The following RUFY3 variants were observed in gnomAD, a reference collection of about 807,000 sequenced individuals.
RUFY3 encodes the protein protein RUFY3.
RUFY3 carries 34 observed loss-of-function variants against 84.0 expected under a neutral mutation model. The ratio of observed to expected loss-of-function variants is 0.40; its 90% CI spans 0.31 to 0.54. The LOEUF (loss-of-function observed/expected upper bound fraction) is 0.54, where lower values mean the gene tolerates loss of function less well. Ranked by LOEUF, RUFY3 falls within the 20% of genes least tolerant of loss-of-function variation. The probability of loss-of-function intolerance (pLI) is 0.39; values close to 1 mark genes in which losing one functional copy is unlikely to be tolerated. For synonymous variants in RUFY3, 242 were observed against 252.9 expected (o/e 0.96, Z 0.41); for missense variants, 507 against 736.8 (o/e 0.69, Z 3.61).
At chr4:70,758,120 A>T (rs1724350398) in intron 1 of RUFY3, among the ~76,000 whole-genome samples, 1 of 152,234 alleles carries the variant, frequency 6.6e-6, no homozygotes. Flanking sequence ...CACACACAAC[A>T]TGCTTGCATA....
Position 70,797,915 on chromosome 4 carries a change from A to G in RUFY3, c.1558-2226A>G, listed in dbSNP as rs540439881. Among the ~76,000 whole-genome samples, 17 of 152,342 alleles carry G rather than the reference A, an allele frequency of 1.1e-4. No homozygotes were observed. In the South Asian group the frequency reaches 3.5e-3, roughly 32 times the overall value. On this transcript the variant is annotated intron_variant, in intron 14 of 17. Coordinates refer to ENST00000381006, the MANE Select transcript of RUFY3 (RefSeq NM_001037442.4). Reference sequence around the variant, plus strand: ...TCTTTATTATTTTAGTTTAGTGAACATAAAATCTAAAAGGCTTACAAAAGT... The same window carrying G: ...TCTTTATTATTTTAGTTTAGTGAACGTAAAATCTAAAAGGCTTACAAAAGT...
chr4:70,717,630 T>C (rs1741769797), upstream of RUFY3, among the ~76,000 whole-genome samples: 2 of 152,102 alleles, frequency 1.3e-5, no homozygotes, highest in African/African-American at 2.4e-5. Context: ...CTTTTTATTT[T>C]CTCTGAATAA....
At chr4:70,713,374 G>A (rs1741212325) in intron 1 of RUFY3, among the ~76,000 whole-genome samples, 1 of 152,198 alleles carries the variant, frequency 6.6e-6, no homozygotes, top group African/African-American at 2.4e-5. Context: ...GAGAAGGTAA[G>A]TAGCAATATG....
At chr4:70,772,714 G>A (rs1727171917) in intron 5 of RUFY3, among the ~76,000 whole-genome samples, 1 of 151,630 alleles carries the variant, frequency 6.6e-6, no homozygotes, top group African/African-American at 2.4e-5. Flanking sequence ...AGGCTGGAGT[G>A]CAATGGTGAG....
At chr4:70,773,593 A>ATTTCTTTTCTCCTGATGTAGCATTT in intron 6 of RUFY3, 21 bp downstream of exon 6, 1 of 1,554,968 alleles carries the variant, frequency 6.4e-7, no homozygotes, top group Non-Finnish European at 8.9e-7. Context: ...AGAAAATTAG[A>ATTTCTTTTCTCCTGATGTAGCATTT]TTTCTTTTCT....
chr4:70,738,029 C>G (rs1343154784), intron 1 of RUFY3, among the ~76,000 whole-genome samples: 1 of 141,262 alleles, frequency 7.1e-6, no homozygotes, highest in Non-Finnish European at 1.5e-5. Context: ...ATCACCCAGG[C>G]TGGAGTGCAA....
rs796173421 is a variant in RUFY3, at chr4:70,730,572, C to CAA, written c.178+7835_178+7836dup. ...TGGCCAACATGGTGTACTAAAAATA[C>CAA]AAAAAAAAAAAAAAAGATTAGCTGG... On this transcript the variant is annotated intron_variant, in intron 1 of 17. Transcript: ENST00000381006. Among the ~76,000 whole-genome samples the CAA allele has an allele frequency of 5.7e-3, 602 of 106,518 alleles. 13 individuals carry two copies. Among genetic ancestry groups the CAA allele is most frequent in the African/African-American group, 0.02 (579 of 28,742 alleles). The allele number at this position is 106,518 out of a possible 152,430, so 69.9% of individuals were successfully genotyped here.
chr4:70,746,118 C>T (rs1406724915), intron 1 of RUFY3, among the ~76,000 whole-genome samples: 2 of 151,954 alleles, frequency 1.3e-5, no homozygotes, highest in East Asian at 1.9e-4. Context: ...CCAAGGTGGG[C>T]GGATCACTTG....
At chr4:70,721,881 A>G, upstream of RUFY3, 1 of 1,230,796 alleles carries the variant, frequency 8.1e-7, no homozygotes, top group Non-Finnish European at 1.0e-6. Context: ...CTCTCCCAGC[A>G]TCAGCAGCAT....
In RUFY3 at chr4:70,789,524, TG is replaced by T; in HGVS notation, c.1270del (p.Glu424AsnfsTer2). ...CAGACTTAGGAGTAAAACAGAAAAG[TG>T]AACTAAACAGTCGCTTGGAAGAGAA... ...SSDLGVKQKS[E>X]LNSRLEEKTN... On this transcript the variant is annotated frameshift_variant, in exon 12 of 18. Transcript: ENST00000381006. LOFTEE classifies it high-confidence loss of function. 1 of 1,612,904 alleles carries T rather than the reference TG, an allele frequency of 6.2e-7. No homozygotes were observed. The highest frequency in any genetic ancestry group is 8.5e-7 in the Non-Finnish European group (1 of 1,179,326).
At chr4:70,781,470 C>A (rs1037817978) in intron 8 of RUFY3, among the ~76,000 whole-genome samples, 1 of 152,100 alleles carries the variant, frequency 6.6e-6, no homozygotes, top group African/African-American at 2.4e-5. Context: ...CAGAGGGAGA[C>A]CCTGTCTCAA....
intron 1 of RUFY3, among the ~76,000 whole-genome samples, chr4:70,757,884 T>C (rs1724299736): frequency 6.6e-6 from 1 of 152,234 alleles, no homozygotes; most frequent in Non-Finnish European, 1.5e-5. Flanking sequence ...AAGTTCTCTA[T>C]TGGAATGATA....
Position 70,787,247 on chromosome 4 carries a change from G to T in RUFY3, c.1072-1559G>T, listed in dbSNP as rs1298921613. On this transcript the variant is annotated intron_variant, in intron 10 of 17. Transcript: ENST00000381006. The stretch of plus-strand genomic sequence containing the variant: ...ATTGACAGTATATAACATAATTTTA[G>T]ATTTATTTATTTGTTTTTTTTTTTT... Among the ~76,000 whole-genome samples the T allele has an allele frequency of 3.1e-5, 4 of 130,272 alleles. No individual in the cohort carries two copies. In the East Asian group the frequency reaches 8.8e-4, roughly 29 times the overall value. 85.5% of individuals were successfully genotyped at this position (130,272 alleles called of 152,430 possible).
chr4:70,796,529 A>G (rs537231369), intron 14 of RUFY3, among the ~76,000 whole-genome samples: 2 of 152,330 alleles, frequency 1.3e-5, no homozygotes, highest in African/African-American at 4.8e-5. Flanking sequence ...CGGGCACAAC[A>G]GTTTTGGCAC....
intron 17 of RUFY3, among the ~76,000 whole-genome samples, chr4:70,804,867 G>A (rs1201878698): frequency 6.6e-6 from 1 of 152,098 alleles, no homozygotes; most frequent in African/African-American, 2.4e-5. Flanking sequence ...GGAGGTTGCA[G>A]TGAGCCAAGA....
At position 70,736,629 on chromosome 4, in the gene RUFY3, T is replaced by A. The variant is rs145045775; in HGVS notation, c.178+13878T>A. On this transcript the variant is annotated intron_variant, in intron 1 of 17. Transcript: ENST00000381006. ...TCTTATTGTCTGGGCTGGAGTGCAA[T>A]GGCATGGTCTCAGCTCACTGCAACC... Among the ~76,000 whole-genome samples the A allele has an allele frequency of 4.0e-3, 612 of 152,252 alleles. 4 individuals are homozygous for A. Among genetic ancestry groups the A allele is most frequent in the African/African-American group, 0.014 (577 of 41,550 alleles).
intron 15 of RUFY3, among the ~76,000 whole-genome samples, chr4:70,801,637 G>A (rs1732243042): frequency 1.3e-5 from 2 of 152,214 alleles, no homozygotes; most frequent in African/African-American, 4.8e-5. Context: ...ATGAGGTAGT[G>A]TGTCATCTGG....
At chr4:70,798,006 G>A (rs1330336376) in intron 14 of RUFY3, among the ~76,000 whole-genome samples, 2 of 152,148 alleles carry the variant, frequency 1.3e-5, no homozygotes. Context: ...TCAGTCTTCA[G>A]TTGTTGCCTG....
At chr4:70,788,284 CA>C (rs11358761) in intron 10 of RUFY3, among the ~76,000 whole-genome samples, 12,008 of 120,372 alleles carry the variant, frequency 0.1, 1,228 homozygotes, top group African/African-American at 0.28. Flanking sequence ...GACTCTGTCT[CA>C]AAAAAAAAAA....
Sources: gnomAD v4.1 joint callset for allele counts (sites outside exome capture counted in the v4.1 genomes callset) on GRCh38, gnomAD v4.1.1 for gene constraint, MANE v1.5 for transcripts, NCBI Gene and HGNC (gene_info 2026-07-23, HGNC 2026-07-21) for gene names.